Variants in SGCG observed in about 807,000 individuals in gnomAD.
The protein encoded by SGCG is gamma-sarcoglycan.
A neutral mutation model predicts 29.3 loss-of-function variants in SGCG; 26 were observed. The ratio of observed to expected loss-of-function variants is 0.89; its 90% CI spans 0.65 to 1.23. The LOEUF is 1.23. SGCG is among the 50% of genes most tolerant of loss of function. SGCG has a pLI of 0.00. For missense variants in SGCG, 353 were observed against 356.0 expected (o/e 0.99, Z 0.07); for synonymous variants, 145 against 129.7 (o/e 1.12, Z -0.80).
intron 1 of SGCG, among the ~76,000 whole-genome samples, chr13:23,198,683 A>G (rs954041032): frequency 6.6e-6 from 1 of 151,930 alleles, no homozygotes; most frequent in Non-Finnish European, 1.5e-5. Context: ...AGTCTCTATT[A>G]AAAATATAAA....
intron 6 of SGCG, among the ~76,000 whole-genome samples, chr13:23,297,214 A>G (rs1881938304): frequency 6.9e-6 from 1 of 145,596 alleles, no homozygotes; most frequent in Non-Finnish European, 1.5e-5. Flanking sequence ...GAAAAGTCAA[A>G]CACAGACAAT....
chr13:23,288,387 G>A (rs1361501726), intron 5 of SGCG, among the ~76,000 whole-genome samples: 8 of 151,944 alleles, frequency 5.3e-5, no homozygotes, highest in African/African-American at 1.7e-4. Flanking sequence ...CGAAACTCCT[G>A]ACTGCACCAA....
chr13:23,314,189 TAGAGAG>T (rs200533752), intron 6 of SGCG, among the ~76,000 whole-genome samples: 1 of 104,762 alleles, frequency 9.5e-6, no homozygotes, highest in Non-Finnish European at 2.4e-5. Context: ...TATATATATA[TAGAGAG>T]AGAGAGAGAG....
At chr13:23,281,681 A>G (rs1275896244) in intron 5 of SGCG, among the ~76,000 whole-genome samples, 1 of 152,204 alleles carries the variant, frequency 6.6e-6, no homozygotes. Flanking sequence ...TCCACCTCAG[A>G]TCATCAGGTA....
chr13:23,241,871 A>G (rs188562111), intron 3 of SGCG, among the ~76,000 whole-genome samples: 1 of 152,262 alleles, frequency 6.6e-6, no homozygotes, highest in Admixed American at 6.5e-5. Flanking sequence ...AAAGCATTTG[A>G]TAAAATTCAG....
chr13:23,191,292 G>A (rs998455248), intron 1 of SGCG, among the ~76,000 whole-genome samples: 6 of 147,100 alleles, frequency 4.1e-5, no homozygotes, highest in Admixed American at 6.7e-5. Context: ...CCATCTTCCC[G>A]AGAGCTTTAG....
intron 1 of SGCG, among the ~76,000 whole-genome samples, chr13:23,195,677 GAT>G (rs1491565495): frequency 1.4e-5 from 2 of 143,754 alleles, no homozygotes; most frequent in African/African-American, 4.9e-5. Context: ...TTTTAATCTA[GAT>G]GTGTGTGTGT....
At chr13:23,242,015 T>C (rs1000401458) in intron 3 of SGCG, among the ~76,000 whole-genome samples, 21 of 152,214 alleles carry the variant, frequency 1.4e-4, no homozygotes, top group South Asian at 6.2e-4. Context: ...TCAATAAAAA[T>C]TGATAAACCT....
intron 1 of SGCG, among the ~76,000 whole-genome samples, chr13:23,196,991 A>G (rs9580563): frequency 0.46 from 69,991 of 151,946 alleles, 16,279 homozygotes; most frequent in Admixed American, 0.51. Context: ...CTGCCAGCTC[A>G]CCTCCTGGAA....
intron 2 of SGCG, among the ~76,000 whole-genome samples, chr13:23,230,761 T>A (rs981293258): frequency 6.7e-6 from 1 of 149,482 alleles, no homozygotes; most frequent in Admixed American, 6.6e-5. Flanking sequence ...CTCCTCCTAT[T>A]TGGATACCTT....
chr13:23,214,243 C>A (rs1566002106), intron 2 of SGCG, among the ~76,000 whole-genome samples: 1 of 152,108 alleles, frequency 6.6e-6, no homozygotes, highest in Non-Finnish European at 1.5e-5. Flanking sequence ...AATTTCTTCC[C>A]TGCTATAAAA....
intron 3 of SGCG, chr13:23,244,018 G>T (rs1879606745): frequency 1.3e-5 from 2 of 151,854 alleles, no homozygotes; most frequent in Admixed American, 6.6e-5. Context: ...GGGCTCTTAA[G>T]ACTATTTTCC....
chr13:23,195,873 G>A (rs1442938471), intron 1 of SGCG, among the ~76,000 whole-genome samples: 2 of 151,906 alleles, frequency 1.3e-5, no homozygotes, highest in African/African-American at 2.4e-5. Flanking sequence ...AAGTTGGGAT[G>A]AGTATGGTAA....
chr13:23,209,281 AG>A (rs1437668048), intron 2 of SGCG, among the ~76,000 whole-genome samples: 1 of 152,184 alleles, frequency 6.6e-6, no homozygotes, highest in Non-Finnish European at 1.5e-5. Context: ...ATCCTTAACA[AG>A]GATTTAAAAT....
At chr13:23,252,558 G>A (rs1385520809) in intron 4 of SGCG, among the ~76,000 whole-genome samples, 3 of 152,050 alleles carry the variant, frequency 2.0e-5, no homozygotes, top group East Asian at 1.9e-4. Flanking sequence ...GGGCGTGGTG[G>A]CGGTCGCCTG....
intron 4 of SGCG, among the ~76,000 whole-genome samples, chr13:23,256,315 T>A (rs1880174095): frequency 6.6e-6 from 1 of 152,084 alleles, no homozygotes; most frequent in South Asian, 2.1e-4. Flanking sequence ...ACCAGATAAA[T>A]AATTCAAAGT....
intron 7 of SGCG, among the ~76,000 whole-genome samples, chr13:23,323,014 T>G (rs1168578105): frequency 6.6e-6 from 1 of 152,106 alleles, no homozygotes; most frequent in African/African-American, 2.4e-5. Context: ...ATTTTGAAAC[T>G]ACATTACTGT....
rs140853002 is a variant in SGCG at position 23,275,005 on chromosome 13, A to C, written c.386-4354A>C. On this transcript the variant is annotated intron_variant, in intron 4 of 7. Coordinates refer to ENST00000218867, the MANE Select transcript of SGCG (RefSeq NM_000231.3). Reference sequence around the variant, plus strand: ...TTCAGGCTACCCTTTTATATTTAATAGGTTATACAATAAATTTTTGTTAAA... The same window carrying C: ...TTCAGGCTACCCTTTTATATTTAATCGGTTATACAATAAATTTTTGTTAAA... Among the ~76,000 whole-genome samples the C allele has an allele frequency of 7.0e-4, 107 of 151,892 alleles. 1 individual carries two copies. The East Asian group carries it at 0.019, about 27-fold the overall frequency.
At chr13:23,236,449 G>A (rs899983044) in intron 3 of SGCG, among the ~76,000 whole-genome samples, 16 of 151,910 alleles carry the variant, frequency 1.1e-4, no homozygotes, top group African/African-American at 2.2e-4. Context: ...AGGCCGAGGC[G>A]GGCAGATCAC....
Sources: allele counts gnomAD v4.1 joint callset (sites outside exome capture counted in the v4.1 genomes callset), GRCh38; gene constraint gnomAD v4.1.1; transcripts MANE v1.5; gene names NCBI Gene and HGNC (gene_info 2026-07-23, HGNC 2026-07-21).